ZFP64: variants seen among roughly 807,000 people sequenced by gnomAD.
ZFP64 encodes ZFP64 zinc finger protein.
Under a neutral mutation model 51.6 loss-of-function variants are expected in ZFP64, and 14 were observed. That is an observed-to-expected ratio of 0.27 (90% CI 0.18 to 0.42). The LOEUF (loss-of-function observed/expected upper bound fraction) is 0.42, where lower values mean the gene tolerates loss of function less well. Ranked by LOEUF, ZFP64 falls within the 10% of genes least tolerant of loss-of-function variation. ZFP64 has a pLI of 1.00. For missense variants in ZFP64, 754 were observed against 906.8 expected, an observed-to-expected ratio of 0.83 and a Z score of 2.16; for synonymous variants, 375 against 361.4, an observed-to-expected ratio of 1.04 and a Z score of -0.43.
At chr20:52,109,414 G>A (rs1016188388) in intron 5 of ZFP64, among the ~76,000 whole-genome samples, 46 of 151,714 alleles carry the variant, frequency 3.0e-4, no homozygotes, top group African/African-American at 1.0e-3. Context: ...TGCCCGCCTC[G>A]GCCTCCCAAA....
In ZFP64 at chr20:52,152,676, G is replaced by A. The variant is rs1195232551; in HGVS notation, c.1516C>T (p.Pro506Ser). The A allele has an allele frequency of 1.3e-6, 2 of 1,542,846 alleles. No individual in the cohort carries two copies. The highest frequency in any genetic ancestry group is 8.7e-7 in the Non-Finnish European group (1 of 1,146,368). The change falls in exon 6 of 6, where the codon CCC becomes TCC. Residue 506 changes from proline to serine, a missense_variant. By Grantham distance (74) the Pro-to-Ser change is moderately conservative. Transcript: ENST00000216923. ...GCCTGGACGATGGTGTTCGCCTGGG[G>A]CACCTGATGCCCAACGATGATTTTG... is the stretch of plus-strand genomic sequence containing the variant. ...RVKIIVGHQV[P>S]QANTIVQAAA...
At chr20:52,127,936 G>GT (rs1463427503) in intron 5 of ZFP64, among the ~76,000 whole-genome samples, 1 of 152,132 alleles carries the variant, frequency 6.6e-6, no homozygotes, top group East Asian at 1.9e-4. Context: ...AATCTCAGTG[G>GT]TTTTCCACAC....
intron 5 of ZFP64, chr20:52,105,585 T>C (rs779099291): frequency 3.1e-4 from 62 of 199,478 alleles, no homozygotes; most frequent in Non-Finnish European, 4.8e-4. Context: ...AGAAACCGTG[T>C]CTGCATTTTA....
At chr20:52,161,844 G>A (rs1390361530) in intron 4 of ZFP64, among the ~76,000 whole-genome samples, 2 of 152,330 alleles carry the variant, frequency 1.3e-5, no homozygotes, top group East Asian at 3.9e-4. Context: ...GGTCATGGAA[G>A]GAGGTGGCTG....
intron 5 of ZFP64, among the ~76,000 whole-genome samples, chr20:52,118,514 A>G (rs1409221260): frequency 2.6e-5 from 4 of 152,146 alleles, no homozygotes; most frequent in African/African-American, 9.7e-5. Context: ...GTGAAATCAC[A>G]CCAATTGCTG....
chr20:52,161,345 T>C lies in ZFP64; in HGVS notation c.512-971A>G, dbSNP rs531971744. ...GGTACATAAAAATTCCTGGCTAACATCAATTTAAATACTTCCTTTTTGAAT... is the reference window on the plus strand; with the variant it reads ...GGTACATAAAAATTCCTGGCTAACACCAATTTAAATACTTCCTTTTTGAAT... On this transcript the variant is annotated intron_variant, in intron 4 of 5. Coordinates refer to ENST00000216923, the MANE Select transcript of ZFP64 (RefSeq NM_018197.3). Among the ~76,000 whole-genome samples, 4 of 152,192 alleles carry C rather than the reference T, an allele frequency of 2.6e-5. No homozygotes were observed. The East Asian group carries it at 7.7e-4, about 29-fold the overall frequency.
At chr20:52,115,961 A>G (rs1978845874) in intron 5 of ZFP64, among the ~76,000 whole-genome samples, 1 of 151,966 alleles carries the variant, frequency 6.6e-6, no homozygotes, top group Non-Finnish European at 1.5e-5. Context: ...CAGCCTCCCA[A>G]GTAGCTGGGA....
intron 4 of ZFP64, among the ~76,000 whole-genome samples, chr20:52,161,923 A>C (rs541621716): frequency 1.3e-5 from 2 of 152,316 alleles, no homozygotes; most frequent in East Asian, 3.9e-4. Context: ...TAACTAGCCA[A>C]GTGCTAAAAT....
chr20:52,180,287 C>T (rs564317508), intron 2 of ZFP64, among the ~76,000 whole-genome samples: 8 of 152,198 alleles, frequency 5.3e-5, no homozygotes, highest in African/African-American at 1.2e-4. Context: ...CTGCTGCAAA[C>T]GCCACCCTTG....
intron 5 of ZFP64, among the ~76,000 whole-genome samples, chr20:52,138,302 GA>G (rs1276981409): frequency 6.6e-6 from 1 of 151,932 alleles, no homozygotes. Flanking sequence ...AAGGAAAAAG[GA>G]GAAAACCACA....
chr20:52,142,980 T>C (rs1346883600), intron 5 of ZFP64, among the ~76,000 whole-genome samples: 1 of 142,564 alleles, frequency 7.0e-6, no homozygotes, highest in Non-Finnish European at 1.6e-5. Flanking sequence ...CCATCAGCAT[T>C]GAGGAAGACC....
chr20:52,085,241 G>A lies in ZFP64; in HGVS notation c.1254C>T (p.Leu418=), dbSNP rs1393096491. 10 of 1,613,628 alleles carry A rather than the reference G, an allele frequency of 6.2e-6. No homozygotes were observed. The East Asian group carries it at 2.2e-4, about 36-fold the overall frequency. Residue 418 remains leucine, a synonymous_variant, in exon 9 of 9, where the codon CTC becomes CTT. Transcript: ENST00000361387. The surrounding 1 kb of genome is among the most constrained non-coding windows in gnomAD (Gnocchi z 4.3). ...AGCTGATTTTGAACTTGGCGCTACAGAGCCAGCACTGGAAGGGGGTATCCC... is the reference window on the plus strand; with the variant it reads ...AGCTGATTTTGAACTTGGCGCTACAAAGCCAGCACTGGAAGGGGGTATCCC...
At chr20:52,144,602 A>AAAAAAAAAAC (rs1980431158) in intron 5 of ZFP64, among the ~76,000 whole-genome samples, 1 of 145,126 alleles carries the variant, frequency 6.9e-6, no homozygotes, top group Non-Finnish European at 1.5e-5. Flanking sequence ...AAAAAAAAAA[A>AAAAAAAAAAC]TGCTGAAAGC....
Position 52,135,556 on chromosome 20 carries a change from G to A in ZFP64, c.763+24567C>T, listed in dbSNP as rs577472026. Among the ~76,000 whole-genome samples the A allele has an allele frequency of 9.2e-5, 14 of 152,152 alleles. No homozygotes were observed. The South Asian group carries it at 2.7e-3, about 29-fold the overall frequency. ...GTGCAGTGGTGTGATCATGGCTTAC[G>A]GCTCACTGCAGCATTGACGTCCTGG... On this transcript the variant is annotated intron_variant, in intron 5 of 8. Coordinates refer to the ZFP64 transcript ENST00000361387.
chr20:52,109,284 C>A (rs1043350943), intron 5 of ZFP64, among the ~76,000 whole-genome samples: 2 of 152,058 alleles, frequency 1.3e-5, no homozygotes, highest in Admixed American at 6.5e-5. Flanking sequence ...CTGCCTCAGC[C>A]TCCCGAGTAG....
chr20:52,097,310 G>A, intron 7 of ZFP64: 1 of 1,548,632 alleles, frequency 6.5e-7, no homozygotes, highest in South Asian at 1.1e-5. Context: ...TGTGTCCCTA[G>A]CGCTTAATTC....
chr20:52,176,505 C>CTTTTTTTTTT (rs557663780), intron 2 of ZFP64, among the ~76,000 whole-genome samples: 10 of 136,728 alleles, frequency 7.3e-5, no homozygotes, highest in African/African-American at 2.2e-4. Flanking sequence ...TTCAATCTCT[C>CTTTTTTTTTT]TTTTTTTTTT....
chr20:52,152,860 C>G lies in ZFP64; in HGVS notation c.1332G>C (p.Lys444Asn). The G allele has an allele frequency of 6.2e-7, 1 of 1,614,172 alleles. No homozygotes were observed. The highest frequency in any genetic ancestry group is 8.5e-7 in the Non-Finnish European group (1 of 1,180,046). ...TCTCACTGTACTCACTGTGCTGTCT[C>G]TTGTGGCTGCGGAGCGAGTCCTCCC... ...FMREDSLRSH[K>N]RQHSEYSESK... Residue 444 changes from lysine (K) to asparagine (N), a missense_variant, in exon 6 of 6, where the codon AAG becomes AAC. Lys to Asn is a moderately conservative substitution (Grantham distance 94, BLOSUM62 0). This residue lies in a region of ZFP64 where 428 missense variants were observed against 472.4 expected (regional missense o/e 0.91). Coordinates refer to ENST00000216923, the MANE Select transcript of ZFP64 (RefSeq NM_018197.3).
Position 52,112,095 on chromosome 20 carries a change from A to C in ZFP64, c.764-13508T>G, listed in dbSNP as rs796395059. ...AGACTCTATCTCCAAAAAAAAAAAA[A>C]AAAAACAAAAAAAAAACAAGAATCC... On this transcript the variant is annotated intron_variant, in intron 5 of 8. Transcript: ENST00000361387. 5.9e-3 allele frequency among the ~76,000 whole-genome samples: 825 copies of C among 140,426 alleles called. 11 individuals carry two copies. Among genetic ancestry groups the C allele is most frequent in the African/African-American group, 0.019 (747 of 39,022 alleles). 92.1% of individuals were successfully genotyped at this position (140,426 alleles called of 152,430 possible).
Sources: gnomAD v4.1 joint callset for allele counts (sites outside exome capture counted in the v4.1 genomes callset) on GRCh38, gnomAD v4.1.1 for gene constraint, gnomAD v4.1.1 regional missense constraint, Gnocchi (gnomAD v3.1) non-coding constraint, MANE v1.5 for transcripts, NCBI Gene and HGNC (gene_info 2026-07-23, HGNC 2026-07-21) for gene names.